The following RBFOX1 variants were observed in gnomAD, a reference collection of about 807,000 sequenced individuals.
RBFOX1 encodes RNA binding protein fox-1 homolog 1.
In RBFOX1, 8 loss-of-function variants were observed where a neutral mutation model predicts 57.7. The ratio of observed to expected loss-of-function variants is 0.14; its 90% CI spans 0.08 to 0.25. The LOEUF (loss-of-function observed/expected upper bound fraction) is 0.25, where lower values mean the gene tolerates loss of function less well. Ranked by LOEUF, RBFOX1 falls within the 10% of genes least tolerant of loss-of-function variation. The pLI, the probability that RBFOX1 is intolerant of heterozygous loss-of-function variation, is 1.00. For missense variants in RBFOX1, 611 were observed against 548.5 expected (o/e 1.11, Z -1.14); for synonymous variants, 326 against 222.4 (o/e 1.47, Z -4.15).
intron 4 of RBFOX1, among the ~76,000 whole-genome samples, chr16:5,987,913 G>A (rs2060313385): frequency 6.6e-6 from 1 of 152,154 alleles, no homozygotes; most frequent in Non-Finnish European, 1.5e-5. Flanking sequence ...CATGGGAACT[G>A]TATTCCAAGA....
chr16:7,058,393 G>A (rs1250241583), intron 4 of RBFOX1, among the ~76,000 whole-genome samples: 1 of 152,144 alleles, frequency 6.6e-6, no homozygotes, highest in Non-Finnish European at 1.5e-5. Flanking sequence ...TTTGCACTTT[G>A]AAAACATTGT....
chr16:6,252,279 T>C (rs576088340), intron 1 of RBFOX1, among the ~76,000 whole-genome samples: 6 of 152,188 alleles, frequency 3.9e-5, no homozygotes, highest in Non-Finnish European at 5.9e-5. Flanking sequence ...AAAGGTAAAA[T>C]GGGCTATTCA....
At chr16:6,060,280 A>G (rs2095668727) in intron 1 of RBFOX1, among the ~76,000 whole-genome samples, 2 of 151,872 alleles carry the variant, frequency 1.3e-5, no homozygotes, top group Non-Finnish European at 2.9e-5. Context: ...GGCTCAGAGG[A>G]TTTGCACCAT....
At chr16:6,326,803 A>T (rs961580868) in intron 2 of RBFOX1, among the ~76,000 whole-genome samples, 4 of 147,796 alleles carry the variant, frequency 2.7e-5, no homozygotes, top group Non-Finnish European at 6.0e-5. Flanking sequence ...AGGCAGGAGG[A>T]CACACGACTG....
intron 1 of RBFOX1, among the ~76,000 whole-genome samples, chr16:6,102,465 C>G (rs921326258): frequency 6.6e-6 from 1 of 152,136 alleles, no homozygotes; most frequent in Non-Finnish European, 1.5e-5. Flanking sequence ...CATTGAATTG[C>G]ACGTCAACGG....
At chr16:6,828,848 G>A (rs1207999851) in intron 3 of RBFOX1, among the ~76,000 whole-genome samples, 1 of 152,052 alleles carries the variant, frequency 6.6e-6, no homozygotes, top group South Asian at 2.1e-4. Context: ...CCTTTCCCAG[G>A]AATTTTCATA....
chr16:7,652,601 T>A (rs1017193310), intron 11 of RBFOX1, among the ~76,000 whole-genome samples: 2 of 151,996 alleles, frequency 1.3e-5, no homozygotes, highest in Admixed American at 1.3e-4. Flanking sequence ...AGAGATGGGG[T>A]TTCACCGTAT....
intron 4 of RBFOX1, among the ~76,000 whole-genome samples, chr16:7,486,040 C>G (rs191868298): frequency 4.0e-5 from 6 of 150,950 alleles, no homozygotes; most frequent in African/African-American, 1.5e-4. Flanking sequence ...AACACAATTT[C>G]TGATCCTTCT....
chr16:6,460,858 T>A (rs1597571766), intron 2 of RBFOX1, among the ~76,000 whole-genome samples: 2 of 143,668 alleles, frequency 1.4e-5, no homozygotes. Context: ...TCAACCTAAA[T>A]GCCCATCAAT....
chr16:7,147,192 A>G (rs1323593533), intron 4 of RBFOX1, among the ~76,000 whole-genome samples: 2 of 149,042 alleles, frequency 1.3e-5, no homozygotes, highest in South Asian at 2.2e-4. Context: ...TTTAGCAGAG[A>G]CAGGGTTTCA....
At chr16:6,086,966 A>T (rs2096094701) in intron 1 of RBFOX1, among the ~76,000 whole-genome samples, 3 of 152,234 alleles carry the variant, frequency 2.0e-5, no homozygotes. Flanking sequence ...CAACTGAGTC[A>T]CAAAGCTGTA....
At chr16:7,309,869 A>G (rs2096270581) in intron 4 of RBFOX1, among the ~76,000 whole-genome samples, 1 of 152,134 alleles carries the variant, frequency 6.6e-6, no homozygotes, top group Non-Finnish European at 1.5e-5. Flanking sequence ...TGTGGGTGTA[A>G]TTGTCCCATC....
At chr16:6,036,230 G>A (rs904638213) in intron 1 of RBFOX1, among the ~76,000 whole-genome samples, 18 of 152,188 alleles carry the variant, frequency 1.2e-4, no homozygotes, top group Non-Finnish European at 2.1e-4. Flanking sequence ...GCATGTGAGG[G>A]AGCTTTAAAG....
intron 1 of RBFOX1, among the ~76,000 whole-genome samples, chr16:6,235,055 T>C (rs1410943437): frequency 1.3e-5 from 2 of 152,116 alleles, no homozygotes; most frequent in Non-Finnish European, 2.9e-5. Context: ...GGCAGGGACA[T>C]TGGTAAATTC....
At chr16:7,194,981 A>G (rs11077144) in intron 4 of RBFOX1, among the ~76,000 whole-genome samples, 88,059 of 150,118 alleles carry the variant, frequency 0.59, 26,010 homozygotes, top group Middle Eastern at 0.63. Context: ...ACACCTTTCA[A>G]TATTTTATCG....
At chr16:6,184,719 C>G (rs1173634215) in intron 1 of RBFOX1, among the ~76,000 whole-genome samples, 1 of 136,240 alleles carries the variant, frequency 7.3e-6, no homozygotes, top group African/African-American at 2.7e-5. Context: ...GCCACCATGC[C>G]TGGCTCATTT....
chr16:5,651,470 G>A (rs1179914950), intron 3 of RBFOX1, among the ~76,000 whole-genome samples: 1 of 152,074 alleles, frequency 6.6e-6, no homozygotes, highest in African/African-American at 2.4e-5. Context: ...CCTGCCCCAG[G>A]CCACCTTGCA....
chr16:7,365,773 C>G (rs1021313921), intron 4 of RBFOX1, among the ~76,000 whole-genome samples: 5 of 152,194 alleles, frequency 3.3e-5, no homozygotes, highest in African/African-American at 7.2e-5. Context: ...AAACACAACT[C>G]AAGTCAGTGT....
At chr16:6,648,002 C>T (rs1372861620) in intron 2 of RBFOX1, among the ~76,000 whole-genome samples, 1 of 152,106 alleles carries the variant, frequency 6.6e-6, no homozygotes, top group Non-Finnish European at 1.5e-5. Context: ...CCACCATGCC[C>T]AGCTAATTTT....
Sources: gnomAD v4.1 joint callset for allele counts (sites outside exome capture counted in the v4.1 genomes callset) on GRCh38, gnomAD v4.1.1 for gene constraint, MANE v1.5 for transcripts, NCBI Gene and HGNC (gene_info 2026-07-23, HGNC 2026-07-21) for gene names.